PTPRG: variants seen among roughly 807,000 people sequenced by gnomAD.
PTPRG encodes receptor-type tyrosine-protein phosphatase gamma.
Under a neutral mutation model 165.3 loss-of-function variants are expected in PTPRG, and 102 were observed. That is an observed-to-expected ratio of 0.62 (90% CI 0.53 to 0.73). The LOEUF is 0.73. PTPRG is among the 30% of genes least tolerant of loss of function. The pLI, the probability that PTPRG is intolerant of heterozygous loss-of-function variation, is 0.00. For synonymous variants in PTPRG, 675 were observed against 669.5 expected (o/e 1.01, Z -0.13); for missense variants, 1,866 against 1,861.4 (o/e 1.00, Z -0.05).
At chr3:62,144,041 T>C (rs1460787508) in intron 6 of PTPRG, among the ~76,000 whole-genome samples, 3 of 152,248 alleles carry the variant, frequency 2.0e-5, no homozygotes, top group Non-Finnish European at 4.4e-5. Context: ...TGCTTGCTTT[T>C]GTAAATAAAG....
intron 5 of PTPRG, among the ~76,000 whole-genome samples, chr3:62,126,244 G>T: frequency 6.6e-6 from 1 of 152,184 alleles, no homozygotes; most frequent in East Asian, 1.9e-4. Context: ...GGTTGGGGAG[G>T]CAGGGGCAGG....
At chr3:61,815,925 G>A (rs897228845) in intron 2 of PTPRG, among the ~76,000 whole-genome samples, 1 of 152,048 alleles carries the variant, frequency 6.6e-6, no homozygotes, top group Admixed American at 6.5e-5. Flanking sequence ...TTTCATTTTA[G>A]GCTATTTTAT....
intron 23 of PTPRG, among the ~76,000 whole-genome samples, chr3:62,275,195 A>G (rs1405729119): frequency 6.6e-6 from 1 of 152,226 alleles, no homozygotes; most frequent in Non-Finnish European, 1.5e-5. Context: ...TGGGCTGGTT[A>G]CTTATAAAAG....
chr3:62,152,830 T>A (rs1259898691), intron 6 of PTPRG, among the ~76,000 whole-genome samples: 1 of 152,196 alleles, frequency 6.6e-6, no homozygotes, highest in Non-Finnish European at 1.5e-5. Context: ...TACTTGGGAT[T>A]CCTTTCCCAC....
At chr3:61,989,563 T>G in intron 2 of PTPRG, 62 bp from the exon 3 acceptor site, 4 of 1,507,808 alleles carry the variant, frequency 2.7e-6, no homozygotes, top group Admixed American at 4.0e-5. Context: ...CTTCCTAAGA[T>G]TTATTCATTT....
intron 1 of PTPRG, among the ~76,000 whole-genome samples, chr3:61,707,482 G>A (rs2031323258): frequency 6.6e-6 from 1 of 152,136 alleles, no homozygotes. Flanking sequence ...TCAGTCCAAA[G>A]GCAAGAAACA....
chr3:61,758,974 G>C (rs2033735845), intron 2 of PTPRG, among the ~76,000 whole-genome samples: 2 of 152,094 alleles, frequency 1.3e-5, no homozygotes, highest in East Asian at 1.9e-4. Flanking sequence ...GTATAATCTT[G>C]TCCCTATGCA....
intron 14 of PTPRG, among the ~76,000 whole-genome samples, chr3:62,234,355 T>C (rs1056096788): frequency 3.9e-5 from 6 of 152,164 alleles, no homozygotes; most frequent in African/African-American, 1.4e-4. Flanking sequence ...CAGAGGAAAA[T>C]TTATTGGCTG....
chr3:62,099,687 AAT>A (rs1293295084), intron 5 of PTPRG, among the ~76,000 whole-genome samples: 1 of 152,116 alleles, frequency 6.6e-6, no homozygotes, highest in Non-Finnish European at 1.5e-5. Flanking sequence ...TGCAATTAAG[AAT>A]AGCAAACACG....
chr3:61,649,970 G>A (rs1171215386), intron 1 of PTPRG, among the ~76,000 whole-genome samples: 1 of 152,180 alleles, frequency 6.6e-6, no homozygotes, highest in Admixed American at 6.5e-5. Context: ...ATGGTAGCCT[G>A]AAGGTCCTAA....
intron 2 of PTPRG, among the ~76,000 whole-genome samples, chr3:61,950,107 C>T (rs2039864362): frequency 1.3e-5 from 2 of 152,180 alleles, no homozygotes; most frequent in South Asian, 4.1e-4. Context: ...CCTGAATGGC[C>T]TTGCATTACT....
At chr3:61,816,508 G>C (rs2035768704) in intron 2 of PTPRG, among the ~76,000 whole-genome samples, 1 of 152,110 alleles carries the variant, frequency 6.6e-6, no homozygotes, top group African/African-American at 2.4e-5. Context: ...CTCCAGCTTG[G>C]GTGACACAGC....
chr3:62,027,657 G>T (rs1020815294), intron 4 of PTPRG, among the ~76,000 whole-genome samples: 2 of 152,154 alleles, frequency 1.3e-5, no homozygotes, highest in Non-Finnish European at 2.9e-5. Context: ...TTACCTGTAG[G>T]CTAGCTTAAT....
chr3:62,108,032 A>T (rs1044106641), intron 5 of PTPRG, among the ~76,000 whole-genome samples: 1 of 148,158 alleles, frequency 6.7e-6, no homozygotes. Flanking sequence ...CCCTGGAAAC[A>T]TTTCTCTCTC....
intron 1 of PTPRG, among the ~76,000 whole-genome samples, chr3:61,614,322 C>T (rs1212003677): frequency 6.6e-6 from 1 of 152,232 alleles, no homozygotes; most frequent in East Asian, 1.9e-4. Context: ...TGCTACTAAC[C>T]AACCCTATGA....
In PTPRG at chr3:61,683,945, T is replaced by C. The variant is rs117810239; in HGVS notation, c.86-64933T>C. Among the ~76,000 whole-genome samples, 22 of 152,328 alleles carry C rather than the reference T, an allele frequency of 1.4e-4. No individual in the cohort carries two copies. In the East Asian group the frequency reaches 4.2e-3, roughly 29 times the overall value. ...GCTGTGATTAGAATGTGTTGCTATA[T>C]ATTGGTAACATTTAGAAATGTGTAA... is the stretch of plus-strand genomic sequence containing the variant. On this transcript the variant is annotated intron_variant, in intron 1 of 29. Coordinates refer to ENST00000474889, the MANE Select transcript of PTPRG (RefSeq NM_002841.4).
intron 1 of PTPRG, among the ~76,000 whole-genome samples, chr3:61,680,140 A>G (rs1421202320): frequency 6.6e-6 from 1 of 152,194 alleles, no homozygotes; most frequent in Non-Finnish European, 1.5e-5. Flanking sequence ...AGCCAGACCC[A>G]AAACGGGCAA....
chr3:61,783,183 A>C (rs1487726516), intron 2 of PTPRG, among the ~76,000 whole-genome samples: 1 of 152,144 alleles, frequency 6.6e-6, no homozygotes, highest in Non-Finnish European at 1.5e-5. Flanking sequence ...CTCCACTAAA[A>C]ATAAAAATTA....
At chr3:61,981,400 C>A (rs2107679157) in intron 2 of PTPRG, among the ~76,000 whole-genome samples, 1 of 152,338 alleles carries the variant, frequency 6.6e-6, no homozygotes. Context: ...TTTGCTGATT[C>A]AATCTCTTGT....
Sources: gnomAD v4.1 joint callset for allele counts (sites outside exome capture counted in the v4.1 genomes callset) on GRCh38, gnomAD v4.1.1 for gene constraint, MANE v1.5 for transcripts, NCBI Gene and HGNC (gene_info 2026-07-23, HGNC 2026-07-21) for gene names.